Variants in SPINT1 observed in about 807,000 individuals in gnomAD.
SPINT1 encodes the protein serine peptidase inhibitor, Kunitz type 1.
A neutral mutation model predicts 53.7 loss-of-function variants in SPINT1; 38 were observed. The observed-to-expected ratio is 0.71, with a 90% CI of 0.55 to 0.93. The LOEUF (loss-of-function observed/expected upper bound fraction) is 0.93, where lower values mean the gene tolerates loss of function less well. SPINT1 is among the 40% of genes least tolerant of loss of function. The probability of loss-of-function intolerance (pLI) is 0.00; values close to 1 mark genes in which losing one functional copy is unlikely to be tolerated. For synonymous variants in SPINT1, 283 were observed against 280.6 expected (o/e 1.01, Z -0.08); for missense variants, 645 against 692.9 (o/e 0.93, Z 0.78).
At chr15:40,845,317 AATTTTTTTTTT>A (rs1330434308) in intron 2 of SPINT1, among the ~76,000 whole-genome samples, 14 of 79,670 alleles carry the variant, frequency 1.8e-4, no homozygotes, top group African/African-American at 6.7e-4. Context: ...AGACCCGGCT[AATTTTTTTTTT>A]TTTTTTTTTT....
chr15:40,844,138 T>C lies in SPINT1; in HGVS notation c.-114T>C. On this transcript the variant is annotated 5_prime_UTR_variant, in exon 1 of 11. Coordinates refer to ENST00000562057, the MANE Select transcript of SPINT1 (RefSeq NM_003710.4). The surrounding 1 kb of genome is among the most constrained non-coding windows in gnomAD (Gnocchi z 5.8). ...CCGCGACCCGAGCCGCGCAGGAAGC[T>C]GGGACCGGAACCTCGGCGGACCCGG... 1 of 440,848 alleles carries C rather than the reference T, an allele frequency of 2.3e-6. No homozygotes were observed. Among genetic ancestry groups the C allele is most frequent in the Non-Finnish European group, 4.5e-6 (1 of 224,104 alleles). The allele number at this position is 440,848 out of a possible 1,614,324, so 27.3% of individuals were successfully genotyped here. A position where few individuals can be genotyped will look rare whatever the true frequency, so the allele number is the denominator to read the frequency against.
At chr15:40,851,644 C>G (rs926378290) in intron 2 of SPINT1, among the ~76,000 whole-genome samples, 5 of 152,224 alleles carry the variant, frequency 3.3e-5, no homozygotes, top group Non-Finnish European at 7.3e-5. Context: ...GGGGTCTTAT[C>G]TGCCCAACTG....
At chr15:40,845,707 C>A (rs879287983) in intron 2 of SPINT1, among the ~76,000 whole-genome samples, 12 of 152,136 alleles carry the variant, frequency 7.9e-5, no homozygotes, top group Admixed American at 7.9e-4. Flanking sequence ...GAGGAAGTCC[C>A]CAGGACTCCT....
rs1383466668 is a variant in SPINT1 at position 40,854,372 on chromosome 15, C to A, written c.941-25C>A. 3 of 1,526,908 alleles carry A rather than the reference C, an allele frequency of 2.0e-6. No homozygotes were observed. In the African/African-American group the frequency reaches 4.2e-5, roughly 21 times the overall value. The allele number at this position is 1,526,908 out of a possible 1,614,324, so 94.6% of individuals were successfully genotyped here. A position where few individuals can be genotyped will look rare whatever the true frequency, so the allele number is the denominator to read the frequency against. ...CCTGGGCACTTGTTCTTTGCTTGAG[C>A]CTGACCTCCCTTCCACCCGTCCAGT... On this transcript the variant is annotated intron_variant, in intron 6 of 10. Coordinates refer to ENST00000562057, the MANE Select transcript of SPINT1 (RefSeq NM_003710.4).
At chr15:40,856,480 C>T (rs1190039483) in intron 10 of SPINT1, among the ~76,000 whole-genome samples, 157 bp downstream of exon 10, 3 of 152,130 alleles carry the variant, frequency 2.0e-5, no homozygotes, top group East Asian at 1.9e-4. Context: ...CTGCCACACA[C>T]GAGGGAGGGA....
intron 2 of SPINT1, among the ~76,000 whole-genome samples, chr15:40,850,736 G>A (rs1891430886): frequency 6.6e-6 from 1 of 152,158 alleles, no homozygotes; most frequent in Non-Finnish European, 1.5e-5. Flanking sequence ...TGGCTGCTCT[G>A]GCATTTGGGC....
rs1444013527 is a variant in SPINT1 at position 40,858,164 on chromosome 15, A to G, written c.*1189A>G. 7.6e-6 allele frequency: 1 copy of G among 131,032 alleles called. No homozygotes were observed. Among genetic ancestry groups the G allele is most frequent in the Non-Finnish European group, 1.6e-5 (1 of 63,426 alleles). 8.1% of individuals were successfully genotyped at this position (131,032 alleles called of 1,614,324 possible). A position where few individuals can be genotyped will look rare whatever the true frequency, so the allele number is the denominator to read the frequency against. On this transcript the variant is annotated 3_prime_UTR_variant, in exon 11 of 11. Coordinates refer to ENST00000562057, the MANE Select transcript of SPINT1 (RefSeq NM_003710.4). ...CCACACCCCTGCATTTGTTCAAGCT[A>G]CCTCCCGGTGCCAAAAAAAAAAAAA...
chr15:40,853,745 C>T lies in SPINT1; in HGVS notation c.777C>T (p.Cys259=). The stretch of plus-strand genomic sequence containing the variant: ...TCGCATCCAACAAGGTGGGTCGCTG[C>T]CGGGGCTCTTTCCCACGCTGGTACT... The part of the protein sequence containing the change: ...YCLASNKVGR[C]RGSFPRWYYD... The change falls in exon 5 of 11, where the codon TGC becomes TGT. Residue 259 remains cysteine, a synonymous_variant. Transcript: ENST00000562057. 6.2e-7 allele frequency: 1 copy of T among 1,614,014 alleles called. No homozygotes were observed. The highest frequency in any genetic ancestry group is 2.2e-5 in the East Asian group (1 of 44,894).
chr15:40,853,966 G>A (rs775390954), intron 5 of SPINT1, 85 bp downstream of exon 5: 4 of 1,610,972 alleles, frequency 2.5e-6, no homozygotes, highest in South Asian at 2.2e-5. Flanking sequence ...AGGGAGGTGG[G>A]TGGTGGGAGC....
intron 10 of SPINT1, 51 bp downstream of exon 10, chr15:40,856,374 A>C: frequency 6.5e-4 from 1,047 of 1,601,424 alleles, no homozygotes; most frequent in Non-Finnish European, 8.2e-4. Context: ...GTATCAACTC[A>C]CGGATCAACT....
At chr15:40,855,862 G>A (rs777481374) in intron 8 of SPINT1, 30 bp from the exon 9 acceptor site, 8 of 1,588,662 alleles carry the variant, frequency 5.0e-6, no homozygotes, top group East Asian at 4.5e-5. Context: ...CCATGGACTC[G>A]CTCACCATAG....
intron 2 of SPINT1, among the ~76,000 whole-genome samples, chr15:40,850,082 C>CT (rs1349347702): frequency 6.6e-6 from 1 of 151,782 alleles, no homozygotes; most frequent in African/African-American, 2.4e-5. Flanking sequence ...TCTTTTCTTT[C>CT]TTTTTTTGAG....
Position 40,844,880 on chromosome 15 carries a change from G to A in SPINT1, c.326G>A (p.Gly109Glu), listed in dbSNP as rs1891238701. 6.2e-7 allele frequency: 1 copy of A among 1,613,924 alleles called. No individual in the cohort carries two copies. Among genetic ancestry groups the A allele is most frequent in the African/African-American group, 1.3e-5 (1 of 75,070 alleles). Reference protein sequence around the residue: ...LALVELQPDRGEDAIAACFLI... With the variant: ...LALVELQPDREEDAIAACFLI... ...CTAGTGGAGCTGCAGCCCGACCGCG[G>A]GGAGGACGCCATCGCCGCCTGCTTC... Residue 109 changes from glycine (G) to glutamate (E), a missense_variant, in exon 2 of 11, where the codon GGG becomes GAG. Physicochemically the swap from Gly to Glu is moderately conservative, Grantham distance 98 (BLOSUM62 -2). Coordinates refer to ENST00000562057, the MANE Select transcript of SPINT1 (RefSeq NM_003710.4). The surrounding 1 kb of genome is among the most constrained non-coding windows in gnomAD (Gnocchi z 5.8).
At chr15:40,856,707 G>A (rs1891652286) in intron 10 of SPINT1, 63 bp from the exon 11 acceptor site, 1 of 1,604,500 alleles carries the variant, frequency 6.2e-7, no homozygotes, top group Admixed American at 1.7e-5. Context: ...TCCATAGATT[G>A]GGGGTGGGTG....
chr15:40,854,069 T>C lies in SPINT1; in HGVS notation c.923T>C (p.Met308Thr), dbSNP rs779145941. 5.3e-6 allele frequency: 8 copies of C among 1,495,386 alleles called. No individual in the cohort carries two copies. In the South Asian group the frequency reaches 6.4e-5, roughly 12 times the overall value. The allele number at this position is 1,495,386 out of a possible 1,614,324, so 92.6% of individuals were successfully genotyped here. ...CTGTTCTCTCTCCCAGGCCCCTCCA[T>C]GGAAAGGCGCCATCCAGGTGGGCTT... ...LACRGVQGPS[M>T]ERRHPVCSGT... is the part of the protein sequence containing the mutation. Residue 308 changes from methionine to threonine, a missense_variant, in exon 6 of 11, where the codon ATG (methionine) becomes ACG (threonine). Met to Thr is a moderately conservative substitution (Grantham distance 81, BLOSUM62 -1). Coordinates refer to ENST00000562057, the MANE Select transcript of SPINT1 (RefSeq NM_003710.4).
rs1206560907 is a variant in SPINT1, at chr15:40,856,036, G to T, written c.1262G>T (p.Cys421Phe). The T allele has an allele frequency of 1.2e-6, 2 of 1,614,066 alleles. No homozygotes were observed. The highest frequency in any genetic ancestry group is 8.5e-7 in the Non-Finnish European group (1 of 1,180,052). The change falls in exon 9 of 11, where the codon TGC (cysteine) becomes TTC (phenylalanine). Residue 421 changes from cysteine (C) to phenylalanine (F), a missense_variant. Physicochemically the swap from Cys to Phe is radical, Grantham distance 205. Transcript: ENST00000562057. ...AACAACTTTGAGGAAGAGCAGCAGT[G>T]CCTCGAGTCTTGTCGCGGCATCTCC... ...NKNNFEEEQQCLESCRGISKK... is the reference protein window; with the variant it reads ...NKNNFEEEQQFLESCRGISKK...
At chr15:40,846,774 T>C (rs1400733422) in intron 2 of SPINT1, among the ~76,000 whole-genome samples, 1 of 152,168 alleles carries the variant, frequency 6.6e-6, no homozygotes, top group Non-Finnish European at 1.5e-5. Flanking sequence ...GAGGGTCCTC[T>C]TTCCTCCCTA....
chr15:40,849,280 T>G (rs922337229), intron 2 of SPINT1, among the ~76,000 whole-genome samples: 1 of 150,728 alleles, frequency 6.6e-6, no homozygotes, highest in African/African-American at 2.4e-5. Context: ...GGGGTCTCAC[T>G]CTGTCACCCA....
intron 10 of SPINT1, 112 bp downstream of exon 10, chr15:40,856,435 T>C: frequency 2.9e-6 from 4 of 1,368,690 alleles, no homozygotes; most frequent in Non-Finnish European, 4.1e-6. Context: ...CAAGGTGGCC[T>C]ATAGAGACAG....
Sources: gnomAD v4.1 joint callset for allele counts (sites outside exome capture counted in the v4.1 genomes callset) on GRCh38, gnomAD v4.1.1 for gene constraint, Gnocchi (gnomAD v3.1) non-coding constraint, MANE v1.5 for transcripts, NCBI Gene and HGNC (gene_info 2026-07-23, HGNC 2026-07-21) for gene names.